The following CNNM2 variants were observed in gnomAD, a reference collection of about 807,000 sequenced individuals.
The protein encoded by CNNM2 is cyclin and CBS domain divalent metal cation transport mediator 2.
Under a neutral mutation model 66.9 loss-of-function variants are expected in CNNM2, and 12 were observed. The observed-to-expected ratio is 0.18, with a 90% CI of 0.11 to 0.29. The LOEUF (loss-of-function observed/expected upper bound fraction) is 0.29, where lower values mean the gene tolerates loss of function less well. Ranked by LOEUF, CNNM2 falls within the 10% of genes least tolerant of loss-of-function variation. The pLI is 1.00. For missense variants in CNNM2, 705 were observed against 1,167.7 expected, an observed-to-expected ratio of 0.60 and a Z score of 5.77; for synonymous variants, 557 against 501.8, an observed-to-expected ratio of 1.11 and a Z score of -1.47.
chr10:102,992,734 G>A (rs1394153815), intron 1 of CNNM2, among the ~76,000 whole-genome samples: 2 of 152,164 alleles, frequency 1.3e-5, no homozygotes, highest in African/African-American at 2.4e-5. Context: ...CGGTACCACA[G>A]TAGTTCACAG....
intron 1 of CNNM2, among the ~76,000 whole-genome samples, chr10:102,938,036 C>T (rs547347503): frequency 9.2e-5 from 14 of 151,954 alleles, no homozygotes; most frequent in South Asian, 6.2e-4. Flanking sequence ...CAGTGACTCA[C>T]GCCTATAATC....
chr10:103,073,040 T>TG (rs1259898997), intron 6 of CNNM2, among the ~76,000 whole-genome samples: 6 of 152,256 alleles, frequency 3.9e-5, no homozygotes, highest in Non-Finnish European at 7.3e-5. Flanking sequence ...AGATGGCACT[T>TG]GAGGCTCTGA....
rs565186601 is a variant in CNNM2 at position 102,926,737 on chromosome 10, A to T, written c.1621+6636A>T. ...ATTTTTTTTTTTTTTTTTTTTTGAG[A>T]TGGAGTCTCGCACTGTTGCCCAGGC... is the stretch of plus-strand genomic sequence containing the variant. On this transcript the variant is annotated intron_variant, in intron 1 of 7. Coordinates refer to ENST00000369878, the MANE Select transcript of CNNM2 (RefSeq NM_017649.5). Among the ~76,000 whole-genome samples the T allele has an allele frequency of 4.7e-5, 5 of 106,190 alleles. No homozygotes were observed. In the East Asian group the frequency reaches 1.5e-3, roughly 32 times the overall value. 69.7% of individuals were successfully genotyped at this position (106,190 alleles called of 152,430 possible). A position where few individuals can be genotyped will look rare whatever the true frequency, so the allele number is the denominator to read the frequency against.
At chr10:102,923,668 A>G (rs1234443806) in intron 1 of CNNM2, among the ~76,000 whole-genome samples, 3 of 152,214 alleles carry the variant, frequency 2.0e-5, no homozygotes, top group Non-Finnish European at 4.4e-5. Context: ...TGTTGTGCAT[A>G]ACAACTGGTG....
At chr10:103,046,763 TGTTA>T (rs2065133501) in intron 1 of CNNM2, among the ~76,000 whole-genome samples, 1 of 152,254 alleles carries the variant, frequency 6.6e-6, no homozygotes, top group Non-Finnish European at 1.5e-5. Context: ...CAGTATACTG[TGTTA>T]GTTGAAGTAT....
At chr10:103,037,258 TATATA>T (rs2064958382) in intron 1 of CNNM2, among the ~76,000 whole-genome samples, 1 of 148,176 alleles carries the variant, frequency 6.7e-6, no homozygotes, top group Non-Finnish European at 1.5e-5. Flanking sequence ...TATATAGTAT[TATATA>T]ATAAATATAT....
At chr10:103,028,947 C>T (rs971547005) in intron 1 of CNNM2, among the ~76,000 whole-genome samples, 5 of 150,680 alleles carry the variant, frequency 3.3e-5, no homozygotes, top group African/African-American at 4.9e-5. Flanking sequence ...CTCAGTCTCC[C>T]AAGTAGCTGG....
At chr10:103,005,622 C>G (rs1408678274) in intron 1 of CNNM2, among the ~76,000 whole-genome samples, 1 of 152,138 alleles carries the variant, frequency 6.6e-6, no homozygotes, top group African/African-American at 2.4e-5. Flanking sequence ...GCACTCCAAC[C>G]TGGGCAACAA....
At chr10:102,986,341 C>T (rs1348192650) in intron 1 of CNNM2, among the ~76,000 whole-genome samples, 1 of 151,592 alleles carries the variant, frequency 6.6e-6, no homozygotes. Flanking sequence ...GCAACCTCTG[C>T]CTCCCGGGTT....
intron 1 of CNNM2, among the ~76,000 whole-genome samples, chr10:103,016,748 A>G (rs755043176): frequency 4.6e-5 from 7 of 152,202 alleles, no homozygotes; most frequent in Admixed American, 2.0e-4. Flanking sequence ...CTATAGTTCA[A>G]GCATTCAATA....
chr10:102,980,932 A>G (rs2063709417), intron 1 of CNNM2, among the ~76,000 whole-genome samples: 2 of 152,174 alleles, frequency 1.3e-5, no homozygotes, highest in East Asian at 3.8e-4. Context: ...CTGGAATTCT[A>G]AAGTAAATAC....
At chr10:102,925,155 G>GCA (rs1313288899) in intron 1 of CNNM2, among the ~76,000 whole-genome samples, 1 of 151,882 alleles carries the variant, frequency 6.6e-6, no homozygotes, top group Non-Finnish European at 1.5e-5. Flanking sequence ...AATTAGCCGG[G>GCA]CATGGTGGCA....
intron 1 of CNNM2, among the ~76,000 whole-genome samples, chr10:103,018,724 C>G (rs1326846436): frequency 1.5e-5 from 2 of 132,792 alleles, no homozygotes; most frequent in African/African-American, 5.7e-5. Flanking sequence ...GAGTCTCCCT[C>G]TTGCACTCAC....
chr10:103,063,156 AT>A (rs2134351420), intron 4 of CNNM2, among the ~76,000 whole-genome samples: 1 of 152,348 alleles, frequency 6.6e-6, no homozygotes, highest in South Asian at 2.1e-4. Context: ...GACCATCAAT[AT>A]TTAGAAAAGT....
rs2065771459 is a variant in CNNM2 at position 103,082,957 on chromosome 10, T to A, written c.*5777T>A. The A allele has an allele frequency of 1.3e-5, 2 of 151,222 alleles. No homozygotes were observed. Among genetic ancestry groups the A allele is most frequent in the South Asian group, 4.3e-4 (2 of 4,642 alleles). The allele number at this position is 151,222 out of a possible 1,614,324, so 9.4% of individuals were successfully genotyped here. A position where few individuals can be genotyped will look rare whatever the true frequency, so the allele number is the denominator to read the frequency against. On this transcript the variant is annotated 3_prime_UTR_variant, in exon 8 of 8. Coordinates refer to ENST00000369878, the MANE Select transcript of CNNM2 (RefSeq NM_017649.5). Reference sequence around the variant, plus strand: ...CACAGTGATAATGGTTTCTTCCACTTACCTTAGATTGCATAATCCATCTTT... The same window carrying A: ...CACAGTGATAATGGTTTCTTCCACTAACCTTAGATTGCATAATCCATCTTT...
intron 1 of CNNM2, among the ~76,000 whole-genome samples, chr10:103,042,675 A>G (rs1590447942): frequency 6.6e-6 from 1 of 152,286 alleles, no homozygotes; most frequent in South Asian, 2.1e-4. Context: ...CATAGCCCGG[A>G]TTTTATGGCT....
chr10:103,002,516 G>A (rs189845554), intron 1 of CNNM2, among the ~76,000 whole-genome samples: 12 of 125,940 alleles, frequency 9.5e-5, no homozygotes, highest in African/African-American at 3.3e-4. Flanking sequence ...TTTCGCTTTT[G>A]TCGCCCAGGC....
intron 1 of CNNM2, among the ~76,000 whole-genome samples, chr10:102,938,619 CAAAAAAAAAAAAAA>C (rs10596673): frequency 4.7e-5 from 3 of 63,674 alleles, no homozygotes; most frequent in African/African-American, 6.8e-5. Flanking sequence ...GACCCTGTCT[CAAAAAAAAAAAAAA>C]AAAAAAAAAA....
intron 1 of CNNM2, among the ~76,000 whole-genome samples, chr10:102,995,152 C>CTCTT: frequency 2.2e-5 from 3 of 134,420 alleles, no homozygotes; most frequent in South Asian, 2.5e-4. Flanking sequence ...CTTCCTCCTC[C>CTCTT]CCCTCTTCCT....
Sources: allele counts gnomAD v4.1 joint callset (sites outside exome capture counted in the v4.1 genomes callset), GRCh38; gene constraint gnomAD v4.1.1; transcripts MANE v1.5; gene names NCBI Gene and HGNC (gene_info 2026-07-23, HGNC 2026-07-21).